The following FGF14 variants were observed in gnomAD, a reference collection of about 807,000 sequenced individuals.
FGF14 encodes the protein fibroblast growth factor 14.
In FGF14, 5 loss-of-function variants were observed where a neutral mutation model predicts 25.5. The ratio of observed to expected loss-of-function variants is 0.20; its 90% CI spans 0.10 to 0.41. The LOEUF (loss-of-function observed/expected upper bound fraction) is 0.41, where lower values mean the gene tolerates loss of function less well. Among genes scored for constraint, FGF14 ranks in the 10% least tolerant of loss-of-function variants. The pLI, the probability that FGF14 is intolerant of heterozygous loss-of-function variation, is 1.00. For missense variants in FGF14, 222 were observed against 320.1 expected (o/e 0.69, Z 2.34); for synonymous variants, 138 against 118.3 (o/e 1.17, Z -1.08).
chr13:102,318,641 C>G (rs986036439), intron 1 of FGF14, among the ~76,000 whole-genome samples: 23 of 152,148 alleles, frequency 1.5e-4, no homozygotes, highest in Admixed American at 1.4e-3. Context: ...ATAAATTTCC[C>G]CTTTGTGTAA....
intron 1 of FGF14, among the ~76,000 whole-genome samples, chr13:101,922,592 T>C (rs945296257): frequency 1.3e-5 from 2 of 152,194 alleles, no homozygotes; most frequent in African/African-American, 2.4e-5. Flanking sequence ...TAATCCATTA[T>C]AGAATTTGAC....
intron 1 of FGF14, among the ~76,000 whole-genome samples, chr13:102,393,310 C>T (rs2058479272): frequency 6.6e-6 from 1 of 152,208 alleles, no homozygotes; most frequent in Admixed American, 6.5e-5. Flanking sequence ...CCCTGTATCT[C>T]CAGCATCAAC....
intron 1 of FGF14, among the ~76,000 whole-genome samples, chr13:102,157,546 A>T (rs978342174): frequency 6.6e-6 from 1 of 152,254 alleles, no homozygotes; most frequent in Non-Finnish European, 1.5e-5. Flanking sequence ...ATCTAAAACC[A>T]TAAAAACCCT....
intron 1 of FGF14, among the ~76,000 whole-genome samples, chr13:102,387,257 A>G (rs954803150): frequency 6.6e-6 from 1 of 152,242 alleles, no homozygotes; most frequent in African/African-American, 2.4e-5. Flanking sequence ...GCATTCAAAC[A>G]TCCAGGAGCC....
At chr13:102,160,354 T>TCTA (rs2047565456) in intron 1 of FGF14, among the ~76,000 whole-genome samples, 1 of 152,088 alleles carries the variant, frequency 6.6e-6, no homozygotes, top group Non-Finnish European at 1.5e-5. Context: ...CCAGCTATGT[T>TCTA]CTACATCATC....
At chr13:101,913,989 T>C (rs1322581156) in intron 1 of FGF14, among the ~76,000 whole-genome samples, 2 of 152,192 alleles carry the variant, frequency 1.3e-5, no homozygotes, top group Non-Finnish European at 2.9e-5. Flanking sequence ...ATATAATACC[T>C]GCTACAGAGC....
intron 1 of FGF14, among the ~76,000 whole-genome samples, chr13:102,261,248 G>A (rs1354443100): frequency 6.6e-6 from 1 of 152,130 alleles, no homozygotes; most frequent in Non-Finnish European, 1.5e-5. Flanking sequence ...GATAATTTTG[G>A]AAAATATTTA....
intron 1 of FGF14, among the ~76,000 whole-genome samples, chr13:101,974,401 T>G (rs57423625): frequency 0.016 from 2,462 of 152,290 alleles, 58 homozygotes; most frequent in African/African-American, 0.056. Flanking sequence ...AGCAAGCCTC[T>G]CATATTAGTT....
In FGF14 at chr13:101,916,544, G is replaced by A. The variant is rs1000807954; in HGVS notation, c.102C>T (p.Ser34=). Residue 34 remains serine (S), a synonymous_variant, in exon 1 of 5, where the codon AGC becomes AGT. Transcript: ENST00000376143. ...PSASRRRSSP[S]KNRGLCNGNL... ...TGCCGTTGCAGAGCCCGCGGTTCTT[G>A]CTGGGGCTGCTCCGCCTCCTGCTGG... The A allele has an allele frequency of 6.2e-7, 1 of 1,613,404 alleles. No individual in the cohort carries two copies. Among genetic ancestry groups the A allele is most frequent in the Non-Finnish European group, 8.5e-7 (1 of 1,179,916 alleles).
chr13:101,756,734 C>T (rs2037687214), intron 3 of FGF14, among the ~76,000 whole-genome samples: 1 of 151,950 alleles, frequency 6.6e-6, no homozygotes, highest in South Asian at 2.1e-4. Context: ...CTCCTTCCTC[C>T]ACCACCAAAA....
At chr13:102,267,618 A>C (rs1431061652) in intron 1 of FGF14, among the ~76,000 whole-genome samples, 1 of 152,170 alleles carries the variant, frequency 6.6e-6, no homozygotes, top group African/African-American at 2.4e-5. Context: ...GATATCTTCA[A>C]GCAAGAGATA....
intron 1 of FGF14, among the ~76,000 whole-genome samples, chr13:101,971,008 A>G (rs1319304718): frequency 3.3e-5 from 5 of 152,122 alleles, no homozygotes; most frequent in African/African-American, 4.8e-5. Context: ...CACATAGTTT[A>G]TATGCTGTTT....
At chr13:101,970,828 C>A (rs145245455) in intron 1 of FGF14, among the ~76,000 whole-genome samples, 1 of 152,274 alleles carries the variant, frequency 6.6e-6, no homozygotes, top group Non-Finnish European at 1.5e-5. Flanking sequence ...CATAATAAGA[C>A]CACTTTTGTT....
At chr13:101,958,897 T>C (rs1468737452) in intron 1 of FGF14, among the ~76,000 whole-genome samples, 1 of 152,196 alleles carries the variant, frequency 6.6e-6, no homozygotes, top group African/African-American at 2.4e-5. Context: ...GCTTTATCAA[T>C]TGCATTTCTA....
intron 1 of FGF14, among the ~76,000 whole-genome samples, chr13:102,037,777 T>C (rs1222540968): frequency 6.6e-6 from 1 of 152,146 alleles, no homozygotes; most frequent in East Asian, 1.9e-4. Context: ...AGTATCCAAG[T>C]GGATTGAGCC....
intron 1 of FGF14, chr13:102,292,337 G>T (rs1231037677): frequency 1.6e-5 from 2 of 127,270 alleles, no homozygotes; most frequent in African/African-American, 3.1e-5. Flanking sequence ...CAAAGCAGAA[G>T]ATTTTAATGT....
chr13:101,962,420 C>A (rs1356425922), intron 1 of FGF14, among the ~76,000 whole-genome samples: 1 of 152,068 alleles, frequency 6.6e-6, no homozygotes, highest in Non-Finnish European at 1.5e-5. Flanking sequence ...TATCCTGTCT[C>A]TCTTTTCTTA....
In FGF14 at chr13:102,161,570, A is replaced by AAGAAGAAGAAG; in HGVS notation, c.208+239900_208+239901insCTTCTTCTTCT. Among the ~76,000 whole-genome samples, 11 of 5,652 alleles carry AAGAAGAAGAAG rather than the reference A, an allele frequency of 1.9e-3. 3 individuals are homozygous for AAGAAGAAGAAG. The highest frequency in any genetic ancestry group is 8.1e-3 in the South Asian group (1 of 124). The allele number at this position is 5,652 out of a possible 152,430, so 3.7% of individuals were successfully genotyped here. A position where few individuals can be genotyped will look rare whatever the true frequency, so the allele number is the denominator to read the frequency against. The stretch of plus-strand genomic sequence containing the variant: ...TCTATGCAACCAACTTTCTGTGAAG[A>AAGAAGAAGAAG]AAGAAAGAAGAAGAAGAAGAAGAAG... On this transcript the variant is annotated intron_variant, in intron 1 of 4. Coordinates refer to the FGF14 transcript ENST00000376131.
intron 1 of FGF14, among the ~76,000 whole-genome samples, chr13:102,151,158 T>C (rs1157944834): frequency 1.3e-5 from 2 of 152,216 alleles, no homozygotes; most frequent in East Asian, 3.8e-4. Flanking sequence ...TTTATTATAG[T>C]ACAAAGCCAA....
Sources: gnomAD v4.1 joint callset for allele counts (sites outside exome capture counted in the v4.1 genomes callset) on GRCh38, gnomAD v4.1.1 for gene constraint, MANE v1.5 for transcripts, NCBI Gene and HGNC (gene_info 2026-07-23, HGNC 2026-07-21) for gene names.